Variants in GPHN observed in about 807,000 individuals in gnomAD.
GPHN encodes the protein gephyrin.
In GPHN, 17 loss-of-function variants were observed where a neutral mutation model predicts 95.5. That is an observed-to-expected ratio of 0.18 (90% CI 0.12 to 0.27). The LOEUF (loss-of-function observed/expected upper bound fraction) is 0.27, where lower values mean the gene tolerates loss of function less well. Ranked by LOEUF, GPHN falls within the 10% of genes least tolerant of loss-of-function variation. The pLI is 1.00. For synonymous variants in GPHN, 320 were observed against 322.5 expected, an observed-to-expected ratio of 0.99 and a Z score of 0.08; for missense variants, 660 against 978.1, an observed-to-expected ratio of 0.67 and a Z score of 4.34.
At chr14:66,625,283 C>T (rs2063481656) in intron 1 of GPHN, among the ~76,000 whole-genome samples, 3 of 152,092 alleles carry the variant, frequency 2.0e-5, no homozygotes, top group African/African-American at 7.2e-5. Flanking sequence ...ACTATGTTGC[C>T]AAGGGTCTCG....
chr14:66,901,805 G>A (rs900299526), intron 5 of GPHN, among the ~76,000 whole-genome samples: 2 of 152,088 alleles, frequency 1.3e-5, no homozygotes, highest in East Asian at 1.9e-4. Flanking sequence ...GTCAGGTCAT[G>A]TGATGTGATA....
At chr14:67,691,880 T>C in the GPHN span, 1 of 154,064 alleles carries the variant, frequency 6.5e-6, no homozygotes, top group Non-Finnish European at 1.4e-5. Flanking sequence ...ATCAAACCCA[T>C]AAATATCCTC....
chr14:67,606,610 A>T, the GPHN span, among the ~76,000 whole-genome samples: 1 of 150,962 alleles, frequency 6.6e-6, no homozygotes, highest in Non-Finnish European at 1.5e-5. Context: ...TTCAAAGGAA[A>T]GGTAAAAAAG....
intron 11 of GPHN, among the ~76,000 whole-genome samples, chr14:67,061,476 C>T (rs927268187): frequency 2.0e-5 from 3 of 152,186 alleles, no homozygotes; most frequent in Non-Finnish European, 2.9e-5. Flanking sequence ...ACACTCCCTA[C>T]ACGCAACTCT....
chr14:67,515,448 T>G, the GPHN span: 1 of 178,226 alleles, frequency 5.6e-6, no homozygotes, highest in Non-Finnish European at 1.1e-5. Context: ...CACTCACCCA[T>G]AGTACGGATG....
chr14:66,586,657 G>T (rs2061432884), intron 1 of GPHN, among the ~76,000 whole-genome samples: 1 of 152,118 alleles, frequency 6.6e-6, no homozygotes, highest in African/African-American at 2.4e-5. Context: ...AGCTTAGTTT[G>T]GCTGGATATG....
intron 2 of GPHN, among the ~76,000 whole-genome samples, chr14:66,766,640 T>A (rs1381883286): frequency 6.6e-6 from 1 of 152,014 alleles, no homozygotes; most frequent in Non-Finnish European, 1.5e-5. Context: ...GAAGGATGGA[T>A]AGACAGAATG....
chr14:66,751,596 T>C lies in GPHN; in HGVS notation c.144-24868T>C, dbSNP rs115588492. Among the ~76,000 whole-genome samples the C allele has an allele frequency of 3.0e-3, 458 of 152,230 alleles. 3 individuals are homozygous for C. Among genetic ancestry groups the C allele is most frequent in the African/African-American group, 0.011 (440 of 41,552 alleles). ...CTTATAGATGCTGGATACTAGACTT[T>C]TGTCAGATGCATAGTTTGCAAAAAT... On this transcript the variant is annotated intron_variant, in intron 2 of 22. Coordinates refer to ENST00000478722, the MANE Select transcript of GPHN (RefSeq NM_020806.5).
the GPHN span, among the ~76,000 whole-genome samples, chr14:67,193,549 ATATATAGATCTATATC>A: frequency 1.4e-5 from 2 of 144,774 alleles, no homozygotes; most frequent in Non-Finnish European, 3.0e-5. Flanking sequence ...ATATATATCT[ATATATAGATCTATATC>A]TATATAGATC....
intron 3 of GPHN, among the ~76,000 whole-genome samples, chr14:66,823,552 G>A (rs917405510): frequency 1.3e-5 from 2 of 152,058 alleles, no homozygotes; most frequent in Non-Finnish European, 2.9e-5. Flanking sequence ...TTTAAAAATA[G>A]TTTGTTGCCA....
chr14:67,471,420 A>T, the GPHN span: 1 of 152,306 alleles, frequency 6.6e-6, no homozygotes, highest in Non-Finnish European at 1.5e-5. Context: ...GAGAGAACCA[A>T]GGAAACAATT....
At chr14:67,376,396 A>G in the GPHN span, 1 of 1,525,134 alleles carries the variant, frequency 6.6e-7, no homozygotes, top group East Asian at 2.3e-5. Flanking sequence ...TTTTTTATAA[A>G]TCTCTTATCT....
chr14:67,668,410 T>C, the GPHN span, among the ~76,000 whole-genome samples: 227 of 152,336 alleles, frequency 1.5e-3, no homozygotes, highest in Non-Finnish European at 2.5e-3. Flanking sequence ...ACAGGACACA[T>C]TGTCTCTAGT....
Position 66,848,419 on chromosome 14 carries a change from G to T in GPHN, c.294+23853G>T, listed in dbSNP as rs1365585089. ...AAATTAAGATAGACTCTGTCAGAGG[G>T]ATAAAATATGAAGTCTGTTTAGATA... On this transcript the variant is annotated intron_variant, in intron 4 of 22. Transcript: ENST00000478722. Among the ~76,000 whole-genome samples the T allele has an allele frequency of 2.6e-5, 4 of 152,166 alleles. No homozygotes were observed. In the East Asian group the frequency reaches 7.7e-4, roughly 29 times the overall value.
the GPHN span, among the ~76,000 whole-genome samples, chr14:67,594,571 T>C: frequency 6.6e-6 from 1 of 150,920 alleles, no homozygotes; most frequent in Non-Finnish European, 1.5e-5. Flanking sequence ...CGCTTGAACC[T>C]GGGAGGCGGA....
At chr14:66,515,486 T>A (rs2058202953) in intron 1 of GPHN, among the ~76,000 whole-genome samples, 1 of 152,178 alleles carries the variant, frequency 6.6e-6, no homozygotes, top group Admixed American at 6.5e-5. Context: ...TGTATATTGT[T>A]TTAGTTGGGT....
chr14:66,862,920 C>T (rs2063083448), intron 4 of GPHN, among the ~76,000 whole-genome samples: 1 of 152,016 alleles, frequency 6.6e-6, no homozygotes, highest in Admixed American at 6.6e-5. Context: ...TGCAACATGA[C>T]AAAGATGCCT....
At chr14:66,581,804 G>C (rs978609659) in intron 1 of GPHN, among the ~76,000 whole-genome samples, 1 of 151,856 alleles carries the variant, frequency 6.6e-6, no homozygotes, top group South Asian at 2.1e-4. Context: ...CACAGAAAAG[G>C]TCATATAATG....
the GPHN span, among the ~76,000 whole-genome samples, chr14:67,310,104 A>G: frequency 6.6e-6 from 1 of 151,920 alleles, no homozygotes; most frequent in African/African-American, 2.4e-5. Context: ...ATAAAACTAC[A>G]TAGGAGATTT....
Sources: gnomAD v4.1 joint callset for allele counts (sites outside exome capture counted in the v4.1 genomes callset) on GRCh38, gnomAD v4.1.1 for gene constraint, MANE v1.5 for transcripts, NCBI Gene and HGNC (gene_info 2026-07-23, HGNC 2026-07-21) for gene names.